Variants in SNX30 observed in about 807,000 individuals in gnomAD.
The protein encoded by SNX30 is sorting nexin family member 30.
Under a neutral mutation model 46.4 loss-of-function variants are expected in SNX30, and 24 were observed. The ratio of observed to expected loss-of-function variants is 0.52; its 90% CI spans 0.37 to 0.73. The LOEUF (loss-of-function observed/expected upper bound fraction) is 0.73. Among genes scored for constraint, SNX30 ranks in the 30% least tolerant of loss-of-function variants. The pLI, the probability that SNX30 is intolerant of heterozygous loss-of-function variation, is 0.00. For missense variants in SNX30, 533 were observed against 555.7 expected (o/e 0.96, Z 0.41); for synonymous variants, 189 against 211.5 (o/e 0.89, Z 0.92).
intron 3 of SNX30, among the ~76,000 whole-genome samples, chr9:112,819,287 G>A (rs1212031305): frequency 1.8e-5 from 1 of 54,738 alleles, no homozygotes; most frequent in Non-Finnish European, 3.5e-5. Flanking sequence ...TTTTTTTTGA[G>A]ATGAAGTTTA....
At chr9:112,763,771 C>CCAGG (rs1839483230) in intron 1 of SNX30, among the ~76,000 whole-genome samples, 2 of 151,408 alleles carry the variant, frequency 1.3e-5, no homozygotes, top group South Asian at 4.2e-4. Context: ...ATCGCTTGAA[C>CCAGG]CAGGGAGTTG....
At chr9:112,809,758 G>C (rs1840289093) in intron 2 of SNX30, among the ~76,000 whole-genome samples, 1 of 152,120 alleles carries the variant, frequency 6.6e-6, no homozygotes, top group Admixed American at 6.5e-5. Context: ...AACCCAAGTG[G>C]GTTAGAGTGA....
intron 1 of SNX30, among the ~76,000 whole-genome samples, chr9:112,777,359 G>C (rs1221305742): frequency 6.6e-6 from 1 of 151,962 alleles, no homozygotes; most frequent in African/African-American, 2.4e-5. Context: ...GCGGGATTCT[G>C]TAACACCCTC....
At chr9:112,771,630 CCT>C (rs1414480403) in intron 1 of SNX30, among the ~76,000 whole-genome samples, 1 of 152,072 alleles carries the variant, frequency 6.6e-6, no homozygotes, top group Non-Finnish European at 1.5e-5. Flanking sequence ...AAGAATCTTC[CCT>C]CTCTCTTTCT....
Position 112,846,345 on chromosome 9 carries a change from A to T in SNX30, c.1015-4514A>T, listed in dbSNP as rs190897345. On this transcript the variant is annotated intron_variant, in intron 6 of 8. Transcript: ENST00000374232. ...AATTTTCCAAATTTTGTGTAAAAAT[A>T]TATTTTAAAATGAGGGGATAATGTG... is the stretch of plus-strand genomic sequence containing the variant. Among the ~76,000 whole-genome samples the T allele has an allele frequency of 4.6e-5, 7 of 152,344 alleles. No individual in the cohort carries two copies. The East Asian group carries it at 1.3e-3, about 29-fold the overall frequency.
At chr9:112,760,432 C>G (rs541828572) in intron 1 of SNX30, among the ~76,000 whole-genome samples, 4 of 152,300 alleles carry the variant, frequency 2.6e-5, no homozygotes, top group Non-Finnish European at 4.4e-5. Flanking sequence ...AATAGCATCC[C>G]TGGTGGATGT....
At chr9:112,762,046 A>T (rs1839444183) in intron 1 of SNX30, among the ~76,000 whole-genome samples, 1 of 152,216 alleles carries the variant, frequency 6.6e-6, no homozygotes, top group African/African-American at 2.4e-5. Flanking sequence ...AGCCTCTCAA[A>T]GTAAAATAAG....
At chr9:112,795,804 T>C (rs1470140848) in intron 1 of SNX30, among the ~76,000 whole-genome samples, 1 of 114,588 alleles carries the variant, frequency 8.7e-6, no homozygotes, top group African/African-American at 3.0e-5. Flanking sequence ...CACGCACACA[T>C]GATGAGCAAG....
intron 1 of SNX30, among the ~76,000 whole-genome samples, chr9:112,789,765 C>A (rs1233845550): frequency 6.6e-6 from 1 of 152,154 alleles, no homozygotes; most frequent in East Asian, 1.9e-4. Context: ...TGGATTCTTT[C>A]ATTTTGACTT....
chr9:112,881,849 T>C (rs1438134997), downstream of SNX30, among the ~76,000 whole-genome samples: 2 of 152,174 alleles, frequency 1.3e-5, no homozygotes, highest in Non-Finnish European at 2.9e-5. Context: ...TCTGGGAGCA[T>C]GTAATAGAAG....
chr9:112,752,044 T>C (rs1292246215), intron 1 of SNX30, among the ~76,000 whole-genome samples: 3 of 152,196 alleles, frequency 2.0e-5, no homozygotes, highest in African/African-American at 7.2e-5. Context: ...TTCTCAGGTC[T>C]TGTGATCAAG....
intron 7 of SNX30, among the ~76,000 whole-genome samples, chr9:112,852,303 G>T (rs1400682193): frequency 6.6e-6 from 1 of 152,162 alleles, no homozygotes; most frequent in Non-Finnish European, 1.5e-5. Flanking sequence ...TCAGACTGGG[G>T]ACGCCCAACC....
chr9:112,844,803 C>A (rs946998825), intron 6 of SNX30, among the ~76,000 whole-genome samples: 2 of 152,192 alleles, frequency 1.3e-5, no homozygotes, highest in African/African-American at 2.4e-5. Flanking sequence ...TTTTCAAAAG[C>A]CAATTTAAAT....
At chr9:112,856,817 C>T (rs917150002) in intron 7 of SNX30, 2 of 152,498 alleles carry the variant, frequency 1.3e-5, no homozygotes, top group Admixed American at 6.5e-5. Context: ...AGGACCCTCA[C>T]CATGGGGCAG....
chr9:112,875,413 A>G (rs1393799706), downstream of SNX30: 4 of 152,246 alleles, frequency 2.6e-5, no homozygotes, highest in Admixed American at 2.0e-4. Context: ...TATATTTAAA[A>G]TAGTGCTCAA....
upstream of SNX30, chr9:112,750,489 C>A (rs1839245421): frequency 1.3e-5 from 2 of 152,294 alleles, no homozygotes; most frequent in Non-Finnish European, 2.9e-5. Flanking sequence ...ACAGGCTCCT[C>A]CAACCTCTTT....
chr9:112,859,451 ATTTC>A (rs886601297), intron 7 of SNX30, among the ~76,000 whole-genome samples: 31 of 152,278 alleles, frequency 2.0e-4, no homozygotes, highest in African/African-American at 7.2e-4. Context: ...CCTGCTTTCA[ATTTC>A]TTTGGATATG....
chr9:112,875,179 C>T (rs1328828558), downstream of SNX30: 1 of 152,080 alleles, frequency 6.6e-6, no homozygotes, highest in Non-Finnish European at 1.5e-5. Context: ...GCCCAGTTTA[C>T]CCTCAATTTA....
chr9:112,788,786 G>T (rs1301229728), intron 1 of SNX30, among the ~76,000 whole-genome samples: 1 of 152,060 alleles, frequency 6.6e-6, no homozygotes, highest in Non-Finnish European at 1.5e-5. Context: ...AAAGAGAGCA[G>T]GATTTCAGGA....
Sources: allele counts gnomAD v4.1 joint callset (sites outside exome capture counted in the v4.1 genomes callset), GRCh38; gene constraint gnomAD v4.1.1; transcripts MANE v1.5; gene names NCBI Gene and HGNC (gene_info 2026-07-23, HGNC 2026-07-21).